Variants in CCDC33 observed in about 807,000 individuals in gnomAD.
The protein encoded by CCDC33 is coiled-coil domain containing 33, also known as coiled-coil domain-containing protein 33.
In CCDC33, 94 loss-of-function variants were observed where a neutral mutation model predicts 91.9. The ratio of observed to expected loss-of-function variants is 1.02; its 90% confidence interval spans 0.87 to 1.21. CCDC33 has a LOEUF of 1.21. Ranked by LOEUF, CCDC33 falls within the 50% of genes most tolerant of loss-of-function variation. CCDC33 has a pLI of 0.00. For synonymous variants in CCDC33, 396 were observed against 374.5 expected, an observed-to-expected ratio of 1.06 and a Z score of -0.66; for missense variants, 940 against 935.5, an observed-to-expected ratio of 1.00 and a Z score of -0.06.
chr15:74,240,404 T>C (rs1398202730), intron 1 of CCDC33, among the ~76,000 whole-genome samples: 1 of 152,196 alleles, frequency 6.6e-6, no homozygotes, highest in East Asian at 1.9e-4. Flanking sequence ...TGAGAGGCCC[T>C]GTGCCCTCAC....
chr15:74,230,330 C>A (rs993128774), intron 2 of CCDC33, among the ~76,000 whole-genome samples: 1 of 152,134 alleles, frequency 6.6e-6, no homozygotes, highest in African/African-American at 2.4e-5. Context: ...TCTGAGTAGA[C>A]CCCCCACCCA....
upstream of CCDC33, among the ~76,000 whole-genome samples, chr15:74,216,104 T>C (rs894294285): frequency 1.3e-5 from 2 of 151,922 alleles, no homozygotes; most frequent in African/African-American, 4.8e-5. Flanking sequence ...GCTGGTCACT[T>C]CAAATATGCA....
intron 11 of CCDC33, among the ~76,000 whole-genome samples, chr15:74,312,365 C>A (rs929109329): frequency 2.6e-5 from 4 of 152,186 alleles, no homozygotes; most frequent in Non-Finnish European, 5.9e-5. Flanking sequence ...CCAGGAGGGT[C>A]CCCCGTGCCT....
intron 2 of CCDC33, among the ~76,000 whole-genome samples, chr15:74,224,412 A>G (rs1008615376): frequency 2.0e-5 from 3 of 152,200 alleles, no homozygotes; most frequent in Non-Finnish European, 4.4e-5. Flanking sequence ...AGGGAGTCCC[A>G]TATTTGTGTC....
chr15:74,331,435 C>T, intron 15 of CCDC33, 139 bp downstream of exon 15: 2 of 804,318 alleles, frequency 2.5e-6, no homozygotes, highest in Non-Finnish European at 3.9e-6. Context: ...GCCTGGGAGA[C>T]CCAGGATTGC....
intron 17 of CCDC33, among the ~76,000 whole-genome samples, 188 bp downstream of exon 17, chr15:74,334,155 T>G (rs2060504401): frequency 6.6e-6 from 1 of 151,928 alleles, no homozygotes; most frequent in Non-Finnish European, 1.5e-5. Context: ...TAGGGTTCAG[T>G]GTGTAACCAG....
chr15:74,213,536 G>A (rs186324832), upstream of CCDC33: 8 of 152,376 alleles, frequency 5.3e-5, no homozygotes, highest in East Asian at 1.5e-3. Context: ...TTAATAAGGT[G>A]TACACCTTTC....
At position 74,326,355 on chromosome 15, in the gene CCDC33, G is replaced by A. The variant is rs375013619; in HGVS notation, c.1291-3834G>A. Among the ~76,000 whole-genome samples, 131 of 152,362 alleles carry A rather than the reference G, an allele frequency of 8.6e-4. 6 individuals carry two copies. The highest frequency in any genetic ancestry group is 1.4e-3 in the Admixed American group (21 of 15,308). On this transcript the variant is annotated intron_variant, in intron 11 of 18. Coordinates refer to ENST00000398814, the MANE Select transcript of CCDC33 (RefSeq NM_025055.5). Reference sequence around the variant, plus strand: ...ACAAGAAAGCACTCAGAAGGTGGTGGAGGAAAAAGAGATGCTGTTGCCAGG... The same window carrying A: ...ACAAGAAAGCACTCAGAAGGTGGTGAAGGAAAAAGAGATGCTGTTGCCAGG...
chr15:74,311,456 C>G (rs2059992422), intron 11 of CCDC33: 1 of 152,328 alleles, frequency 6.6e-6, no homozygotes, highest in South Asian at 2.1e-4. Context: ...GCTCTAATAG[C>G]AGGATCTCAA....
intron 2 of CCDC33, among the ~76,000 whole-genome samples, chr15:74,225,105 ACCTC>A (rs1190116224): frequency 7.0e-6 from 1 of 143,368 alleles, no homozygotes; most frequent in Non-Finnish European, 1.5e-5. Flanking sequence ...GCTGACTCAC[ACCTC>A]CTGGAGGCGT....
intron 11 of CCDC33, chr15:74,300,912 A>G (rs11856695): frequency 0.46 from 70,362 of 152,170 alleles, 19,294 homozygotes; most frequent in Non-Finnish European, 0.62. Context: ...GTTTTGATGC[A>G]GGCCTTTCAA....
chr15:74,280,354 C>A (rs986929877), intron 8 of CCDC33, among the ~76,000 whole-genome samples: 2 of 152,120 alleles, frequency 1.3e-5, no homozygotes, highest in Non-Finnish European at 2.9e-5. Context: ...CTGGAGCCCT[C>A]GGAACTCACA....
intron 1 of CCDC33, among the ~76,000 whole-genome samples, chr15:74,237,208 G>A (rs992243044): frequency 6.6e-6 from 1 of 152,262 alleles, no homozygotes; most frequent in Admixed American, 6.5e-5. Context: ...CTGAAGAGAA[G>A]GGATTTTTGT....
chr15:74,289,368 C>T (rs2059542784), intron 10 of CCDC33, among the ~76,000 whole-genome samples: 1 of 152,210 alleles, frequency 6.6e-6, no homozygotes, highest in Non-Finnish European at 1.5e-5. Flanking sequence ...GATGGAGAGG[C>T]ATACTGCTTC....
chr15:74,236,167 G>A (rs351174), upstream of CCDC33: 83,268 of 152,344 alleles, frequency 0.55, 23,597 homozygotes, highest in Non-Finnish European at 0.63. Flanking sequence ...GAAGGGTGGG[G>A]CCTGAGTGCC....
chr15:74,305,330 A>G (rs1188444116), intron 11 of CCDC33, among the ~76,000 whole-genome samples: 3 of 152,194 alleles, frequency 2.0e-5, no homozygotes, highest in East Asian at 3.9e-4. Context: ...CCTGAGACCC[A>G]AGAAGCAACG....
At chr15:74,273,075 T>A (rs1373119766) in intron 7 of CCDC33, among the ~76,000 whole-genome samples, 184 bp downstream of exon 7, 1 of 152,266 alleles carries the variant, frequency 6.6e-6, no homozygotes. Flanking sequence ...ACTCTTGGTC[T>A]GGTGAAGATG....
At chr15:74,213,243 T>C (rs1283837708), upstream of CCDC33, 1 of 150,942 alleles carries the variant, frequency 6.6e-6, no homozygotes, top group East Asian at 1.9e-4. Context: ...AAAAAAATTC[T>C]CAGGCCTACC....
chr15:74,308,524 G>A (rs568495721), intron 11 of CCDC33, among the ~76,000 whole-genome samples: 8 of 152,196 alleles, frequency 5.3e-5, no homozygotes, highest in Non-Finnish European at 1.5e-5. Context: ...TCGAGGGGGC[G>A]GGGAGGGCCT....
Sources: allele counts gnomAD v4.1 joint callset (sites outside exome capture counted in the v4.1 genomes callset), GRCh38; gene constraint gnomAD v4.1.1; transcripts MANE v1.5; gene names NCBI Gene and HGNC (gene_info 2026-07-23, HGNC 2026-07-21).